The following ITFG1 variants were observed in gnomAD, a reference collection of about 807,000 sequenced individuals.
The protein encoded by ITFG1 is integrin alpha FG-GAP repeat containing 1, also known as T-cell immunomodulatory protein.
A neutral mutation model predicts 81.8 loss-of-function variants in ITFG1; 34 were observed. The ratio of observed to expected loss-of-function variants is 0.42; its 90% CI spans 0.32 to 0.55. The LOEUF (loss-of-function observed/expected upper bound fraction) is 0.55. Ranked by LOEUF, ITFG1 falls within the 20% of genes least tolerant of loss-of-function variation. ITFG1 has a pLI of 0.17. For missense variants in ITFG1, 672 were observed against 755.4 expected (o/e 0.89, Z 1.29); for synonymous variants, 285 against 270.6 (o/e 1.05, Z -0.52).
At chr16:47,336,022 C>T (rs1212771109) in intron 8 of ITFG1, among the ~76,000 whole-genome samples, 1 of 152,166 alleles carries the variant, frequency 6.6e-6, no homozygotes, top group African/African-American at 2.4e-5. Context: ...TGGAATACCA[C>T]TCAGCAATTA....
At chr16:47,299,896 C>G (rs532494085) in intron 10 of ITFG1, 10 of 152,412 alleles carry the variant, frequency 6.6e-5, no homozygotes, top group Admixed American at 5.2e-4. Flanking sequence ...CAATGCCACA[C>G]TTGCTTATCA....
chr16:47,456,971 A>G (rs1302349960), intron 2 of ITFG1, among the ~76,000 whole-genome samples: 1 of 152,168 alleles, frequency 6.6e-6, no homozygotes, highest in Non-Finnish European at 1.5e-5. Context: ...AATTAAGGGT[A>G]TGTACATAGA....
chr16:47,426,497 T>A (rs183154260), intron 6 of ITFG1: 1 of 149,114 alleles, frequency 6.7e-6, no homozygotes, highest in Non-Finnish European at 1.5e-5. Context: ...AACACCTTAT[T>A]ATTGAGGTTT....
intron 10 of ITFG1, among the ~76,000 whole-genome samples, chr16:47,278,941 AC>A (rs1304567979): frequency 6.6e-6 from 1 of 152,228 alleles, no homozygotes; most frequent in African/African-American, 2.4e-5. Context: ...TCAAAGTTTA[AC>A]ATTCATAAAA....
chr16:47,241,859 CAGG>C (rs1965938718), intron 12 of ITFG1, among the ~76,000 whole-genome samples: 1 of 151,460 alleles, frequency 6.6e-6, no homozygotes, highest in Non-Finnish European at 1.5e-5. Context: ...GAGGCTGAGG[CAGG>C]AGAATGGCGT....
At chr16:47,396,042 T>G (rs1375196558) in intron 6 of ITFG1, 1 of 404,998 alleles carries the variant, frequency 2.5e-6, no homozygotes, top group African/African-American at 2.2e-5. Context: ...TTACATCTAA[T>G]CTGTTATCCA....
chr16:47,347,273 G>T (rs541829336), intron 8 of ITFG1, among the ~76,000 whole-genome samples: 38 of 152,382 alleles, frequency 2.5e-4, no homozygotes, highest in Non-Finnish European at 3.8e-4. Flanking sequence ...AGTGCAAGGG[G>T]TAAGGGAATT....
intron 10 of ITFG1, among the ~76,000 whole-genome samples, chr16:47,279,666 C>T (rs1020389776): frequency 2.0e-5 from 3 of 151,976 alleles, no homozygotes; most frequent in African/African-American, 4.8e-5. Context: ...TCTGTATCTA[C>T]AAAAAAACTC....
chr16:47,333,439 G>GT (rs918008942), intron 8 of ITFG1, among the ~76,000 whole-genome samples: 1 of 152,070 alleles, frequency 6.6e-6, no homozygotes, highest in African/African-American at 2.4e-5. Flanking sequence ...GAAAAATATG[G>GT]TTTTTCTCTG....
chr16:47,206,255 T>C (rs889615155), intron 14 of ITFG1, among the ~76,000 whole-genome samples: 3 of 152,170 alleles, frequency 2.0e-5, no homozygotes, highest in Non-Finnish European at 4.4e-5. Context: ...AAAGAACACA[T>C]GATTACCTCC....
chr16:47,358,142 C>T (rs1372799233), intron 8 of ITFG1, among the ~76,000 whole-genome samples: 2 of 152,196 alleles, frequency 1.3e-5, no homozygotes, highest in African/African-American at 4.8e-5. Flanking sequence ...AAGAACACCT[C>T]ACCACTTTGG....
intron 8 of ITFG1, among the ~76,000 whole-genome samples, chr16:47,320,590 G>C (rs1184766151): frequency 6.6e-6 from 1 of 152,048 alleles, no homozygotes; most frequent in Non-Finnish European, 1.5e-5. Context: ...CTTTCACTTT[G>C]TCTTTTATCT....
At position 47,354,844 on chromosome 16, in the gene ITFG1, T is replaced by A. The variant is rs192022804; in HGVS notation, c.802+10944A>T. On this transcript the variant is annotated intron_variant, in intron 8 of 17. Coordinates refer to ENST00000320640, the MANE Select transcript of ITFG1 (RefSeq NM_030790.5). ...TGCAAATCAAAATCACAACGAGATA[T>A]CTATCACCTCACTCTAGTTAGAGTG... is the stretch of plus-strand genomic sequence containing the variant. 1.1e-3 allele frequency among the ~76,000 whole-genome samples: 166 copies of A among 152,100 alleles called. 1 individual carries two copies. The highest frequency in any genetic ancestry group is 1.9e-3 in the Non-Finnish European group (126 of 67,958).
chr16:47,259,159 T>C (rs1966176009), intron 11 of ITFG1, among the ~76,000 whole-genome samples: 1 of 152,232 alleles, frequency 6.6e-6, no homozygotes, highest in African/African-American at 2.4e-5. Context: ...AGGAAATAAA[T>C]GTATGCTTAT....
intron 10 of ITFG1, among the ~76,000 whole-genome samples, chr16:47,291,076 T>C (rs1349987607): frequency 6.6e-6 from 1 of 152,212 alleles, no homozygotes; most frequent in East Asian, 1.9e-4. Flanking sequence ...CTAGCAGTTA[T>C]AAATTCTCTC....
At chr16:47,173,841 GA>G (rs1216273489) in intron 14 of ITFG1, among the ~76,000 whole-genome samples, 5 of 152,194 alleles carry the variant, frequency 3.3e-5, no homozygotes, top group African/African-American at 9.7e-5. Flanking sequence ...AGGAGTTCGA[GA>G]CCAGCCTGAC....
intron 14 of ITFG1, among the ~76,000 whole-genome samples, chr16:47,171,313 T>A (rs1964958980): frequency 1.3e-5 from 2 of 152,204 alleles, no homozygotes; most frequent in Admixed American, 6.5e-5. Context: ...TGGCCTAGAT[T>A]GTCTAATTTG....
intron 6 of ITFG1, among the ~76,000 whole-genome samples, chr16:47,411,715 C>T (rs371758060): frequency 2.6e-5 from 4 of 152,076 alleles, no homozygotes; most frequent in African/African-American, 9.7e-5. Flanking sequence ...CCCACTGGAG[C>T]CAAGGAAAGA....
intron 11 of ITFG1, 24 bp downstream of exon 11, chr16:47,260,519 AAC>A: frequency 6.2e-7 from 1 of 1,609,122 alleles, no homozygotes; most frequent in Non-Finnish European, 8.5e-7. Flanking sequence ...TTAAACTTCA[AAC>A]ACACAGCCCA....
Sources: gnomAD v4.1 joint callset for allele counts (sites outside exome capture counted in the v4.1 genomes callset) on GRCh38, gnomAD v4.1.1 for gene constraint, MANE v1.5 for transcripts, NCBI Gene and HGNC (gene_info 2026-07-23, HGNC 2026-07-21) for gene names.